Variants in CNTN5 observed in about 807,000 individuals in gnomAD.
The protein encoded by CNTN5 is contactin-5.
In CNTN5, 77 loss-of-function variants were observed where a neutral mutation model predicts 129.1. The observed-to-expected ratio is 0.60, with a 90% CI of 0.50 to 0.72. CNTN5 has a LOEUF of 0.72. Among genes scored for constraint, CNTN5 ranks in the 30% least tolerant of loss-of-function variants. The probability of loss-of-function intolerance (pLI) is 0.00; values close to 1 mark genes in which losing one functional copy is unlikely to be tolerated. For synonymous variants in CNTN5, 509 were observed against 465.6 expected, an observed-to-expected ratio of 1.09 and a Z score of -1.20; for missense variants, 1,478 against 1,328.8, an observed-to-expected ratio of 1.11 and a Z score of -1.75.
chr11:99,667,192 ATAT>A (rs1482243075), intron 3 of CNTN5, among the ~76,000 whole-genome samples: 1 of 152,066 alleles, frequency 6.6e-6, no homozygotes, highest in African/African-American at 2.4e-5. Context: ...TGGTATGATA[ATAT>A]TTTTAATTGT....
intron 1 of CNTN5, among the ~76,000 whole-genome samples, chr11:99,281,427 T>G (rs1360032830): frequency 6.6e-6 from 1 of 151,920 alleles, no homozygotes; most frequent in Non-Finnish European, 1.5e-5. Flanking sequence ...AAGTGCAAAA[T>G]CAGCTAAGAG....
intron 8 of CNTN5, among the ~76,000 whole-genome samples, chr11:99,995,302 T>G (rs1195229990): frequency 6.7e-6 from 1 of 149,496 alleles, no homozygotes. Flanking sequence ...TTTAGTGACA[T>G]TTTTTTCTCC....
In CNTN5 at chr11:99,655,396, G is replaced by A. The variant is rs907919153; in HGVS notation, c.55+99127G>A. ...GTCCAGAACTTGGCAAACGATTCTT[G>A]TCAACTGCATGAGGACAATTCCAGT... On this transcript the variant is annotated intron_variant, in intron 3 of 24. Coordinates refer to ENST00000524871, the MANE Select transcript of CNTN5 (RefSeq NM_014361.4). Among the ~76,000 whole-genome samples the A allele has an allele frequency of 2.0e-5, 3 of 152,096 alleles. No individual in the cohort carries two copies. The South Asian group carries it at 6.2e-4, about 31-fold the overall frequency.
At chr11:100,034,314 T>C (rs773733054) in intron 9 of CNTN5, among the ~76,000 whole-genome samples, 10 of 152,226 alleles carry the variant, frequency 6.6e-5, no homozygotes, top group Non-Finnish European at 1.2e-4. Flanking sequence ...TCCATTGTTA[T>C]TATCTAACTG....
intron 3 of CNTN5, among the ~76,000 whole-genome samples, chr11:99,559,223 A>G (rs1494472): frequency 0.3 from 45,484 of 152,020 alleles, 7,225 homozygotes; most frequent in Middle Eastern, 0.4. Context: ...GAGGGCCATT[A>G]AGCTGTGGAT....
intron 1 of CNTN5, among the ~76,000 whole-genome samples, chr11:99,239,992 T>A (rs927137680): frequency 1.3e-5 from 2 of 152,110 alleles, no homozygotes; most frequent in Non-Finnish European, 2.9e-5. Flanking sequence ...AATATTTTTA[T>A]GTAATTCCTA....
intron 8 of CNTN5, among the ~76,000 whole-genome samples, chr11:99,985,700 A>G (rs1363251002): frequency 6.6e-6 from 1 of 152,176 alleles, no homozygotes; most frequent in Non-Finnish European, 1.5e-5. Context: ...TGGAAGACTA[A>G]AACATTTAGA....
chr11:99,614,409 G>A (rs1950693622), intron 3 of CNTN5, among the ~76,000 whole-genome samples: 1 of 152,150 alleles, frequency 6.6e-6, no homozygotes, highest in African/African-American at 2.4e-5. Flanking sequence ...TGCACCACGA[G>A]TGGAGGGATG....
At chr11:99,411,552 T>A (rs1474049251) in intron 2 of CNTN5, among the ~76,000 whole-genome samples, 8 of 151,926 alleles carry the variant, frequency 5.3e-5, no homozygotes, top group African/African-American at 9.7e-5. Flanking sequence ...AAAATTTTTT[T>A]AAAAAAATTA....
At chr11:99,585,774 G>C (rs892300942) in intron 3 of CNTN5, among the ~76,000 whole-genome samples, 8 of 152,140 alleles carry the variant, frequency 5.3e-5, no homozygotes, top group Admixed American at 2.0e-4. Flanking sequence ...TGGAGAGTTA[G>C]TCATGTTTGA....
chr11:99,836,267 A>G (rs1019643565), intron 4 of CNTN5, among the ~76,000 whole-genome samples: 2 of 150,142 alleles, frequency 1.3e-5, no homozygotes, highest in African/African-American at 2.5e-5. Context: ...TACATTAGGT[A>G]TATCTCCTAA....
intron 3 of CNTN5, among the ~76,000 whole-genome samples, chr11:99,601,662 T>C (rs951364354): frequency 3.9e-5 from 6 of 152,190 alleles, no homozygotes; most frequent in African/African-American, 1.4e-4. Context: ...CACCACACCC[T>C]AAAATTTTTC....
At chr11:99,287,762 CA>C (rs989122770) in intron 1 of CNTN5, among the ~76,000 whole-genome samples, 22 of 150,468 alleles carry the variant, frequency 1.5e-4, no homozygotes, top group African/African-American at 4.4e-4. Context: ...AATACTTTTT[CA>C]AAAAAAAGTA....
intron 1 of CNTN5, among the ~76,000 whole-genome samples, chr11:99,059,138 T>C (rs1185403276): frequency 6.7e-6 from 1 of 149,716 alleles, no homozygotes; most frequent in Admixed American, 6.7e-5. Flanking sequence ...GACATGATGC[T>C]TATACTGGTC....
At chr11:99,693,928 C>G (rs971784946) in intron 3 of CNTN5, among the ~76,000 whole-genome samples, 4 of 151,830 alleles carry the variant, frequency 2.6e-5, no homozygotes, top group African/African-American at 9.7e-5. Context: ...GCCTAAAAGG[C>G]CTTTTGAGTG....
chr11:99,806,219 A>G (rs906645813), intron 3 of CNTN5, among the ~76,000 whole-genome samples: 1 of 152,162 alleles, frequency 6.6e-6, no homozygotes, highest in Non-Finnish European at 1.5e-5. Flanking sequence ...CTCACACAGT[A>G]TTGTACCTGA....
chr11:99,875,209 C>T lies in CNTN5; in HGVS notation c.577+29947C>T, dbSNP rs1398799905. Among the ~76,000 whole-genome samples, 5 of 152,072 alleles carry T rather than the reference C, an allele frequency of 3.3e-5. No homozygotes were observed. The East Asian group carries it at 9.6e-4, about 29-fold the overall frequency. On this transcript the variant is annotated intron_variant, in intron 6 of 24. Coordinates refer to ENST00000524871, the MANE Select transcript of CNTN5 (RefSeq NM_014361.4). ...ACCAGGAATGACAGAATAGATCTCTCCTAATTATTCTTTAACTTCATCTCA... is the reference window on the plus strand; with the variant it reads ...ACCAGGAATGACAGAATAGATCTCTTCTAATTATTCTTTAACTTCATCTCA...
At chr11:99,401,590 T>A (rs945653452) in intron 2 of CNTN5, among the ~76,000 whole-genome samples, 2 of 152,154 alleles carry the variant, frequency 1.3e-5, no homozygotes, top group Admixed American at 1.3e-4. Flanking sequence ...CCATATAAAT[T>A]TTAGAATTTC....
At chr11:100,029,134 T>C (rs1169223563) in intron 9 of CNTN5, among the ~76,000 whole-genome samples, 2 of 150,294 alleles carry the variant, frequency 1.3e-5, no homozygotes, top group Admixed American at 6.7e-5. Flanking sequence ...TGGAAAAACA[T>C]ACATGTGATT....
Sources: allele counts gnomAD v4.1 joint callset (sites outside exome capture counted in the v4.1 genomes callset), GRCh38; gene constraint gnomAD v4.1.1; transcripts MANE v1.5; gene names NCBI Gene and HGNC (gene_info 2026-07-23, HGNC 2026-07-21).